ERBB4: variants seen among roughly 807,000 people sequenced by gnomAD.
ERBB4 encodes receptor tyrosine-protein kinase erbB-4.
ERBB4 carries 42 observed loss-of-function variants against 158.0 expected under a neutral mutation model. The ratio of observed to expected loss-of-function variants is 0.27; its 90% CI spans 0.21 to 0.34. The LOEUF (loss-of-function observed/expected upper bound fraction) is 0.34, where lower values mean the gene tolerates loss of function less well. ERBB4 is among the 10% of genes least tolerant of loss of function. The pLI is 1.00. For synonymous variants in ERBB4, 583 were observed against 558.7 expected (o/e 1.04, Z -0.61); for missense variants, 1,333 against 1,624.1 (o/e 0.82, Z 3.08).
chr2:211,618,921 T>A (rs1377572405), intron 19 of ERBB4, among the ~76,000 whole-genome samples: 1 of 152,096 alleles, frequency 6.6e-6, no homozygotes, highest in Non-Finnish European at 1.5e-5. Flanking sequence ...ATAATTCACC[T>A]TGGGGACTGT....
chr2:211,945,925 T>C (rs2080676250), intron 3 of ERBB4, among the ~76,000 whole-genome samples: 1 of 152,070 alleles, frequency 6.6e-6, no homozygotes, highest in African/African-American at 2.4e-5. Context: ...GAAATCATGA[T>C]GAAAACACAA....
At chr2:211,999,374 A>G (rs187514959) in intron 2 of ERBB4, among the ~76,000 whole-genome samples, 5 of 151,944 alleles carry the variant, frequency 3.3e-5, no homozygotes, top group African/African-American at 1.2e-4. Flanking sequence ...ATGATATAAA[A>G]CACAGTAGTG....
chr2:211,991,761 G>A (rs1474155795), intron 2 of ERBB4, among the ~76,000 whole-genome samples: 2 of 152,020 alleles, frequency 1.3e-5, no homozygotes, highest in Admixed American at 1.3e-4. Flanking sequence ...AAAGGAAGTT[G>A]GAAAAAGGAA....
chr2:211,670,639 C>T (rs1040203394), intron 14 of ERBB4, among the ~76,000 whole-genome samples: 2 of 152,202 alleles, frequency 1.3e-5, no homozygotes, highest in South Asian at 2.1e-4. Flanking sequence ...CTCAATACTA[C>T]AGAACAATTC....
chr2:212,494,017 T>A (rs1309025343), intron 1 of ERBB4, among the ~76,000 whole-genome samples: 1 of 151,876 alleles, frequency 6.6e-6, no homozygotes, highest in Non-Finnish European at 1.5e-5. Context: ...AAATTCTTAT[T>A]AAATTTTTAT....
chr2:211,937,022 TAA>T (rs2080342863), intron 3 of ERBB4, among the ~76,000 whole-genome samples: 1 of 152,206 alleles, frequency 6.6e-6, no homozygotes, highest in South Asian at 2.1e-4. Flanking sequence ...AGAAAAGTAA[TAA>T]GAGGTATATT....
At chr2:212,308,060 T>A (rs1239976175) in intron 1 of ERBB4, among the ~76,000 whole-genome samples, 1 of 151,042 alleles carries the variant, frequency 6.6e-6, no homozygotes, top group Non-Finnish European at 1.5e-5. Context: ...AAAAAATTCC[T>A]CCACAATTTT....
chr2:211,966,205 C>A (rs891671603), intron 2 of ERBB4, among the ~76,000 whole-genome samples: 1 of 152,008 alleles, frequency 6.6e-6, no homozygotes, highest in African/African-American at 2.4e-5. Flanking sequence ...CAGAGTGAGA[C>A]CCTGTCTTAA....
intron 3 of ERBB4, among the ~76,000 whole-genome samples, chr2:211,833,501 G>A (rs1430142113): frequency 6.6e-6 from 1 of 151,942 alleles, no homozygotes; most frequent in African/African-American, 2.4e-5. Flanking sequence ...CTGGCAAGGA[G>A]AATGGACTAC....
chr2:211,919,320 T>A (rs1258073883), intron 3 of ERBB4, among the ~76,000 whole-genome samples: 1 of 152,078 alleles, frequency 6.6e-6, no homozygotes, highest in Non-Finnish European at 1.5e-5. Context: ...CATGCAGACA[T>A]CTTTACATGT....
chr2:211,806,104 C>A (rs2076607373), intron 3 of ERBB4, among the ~76,000 whole-genome samples: 1 of 151,528 alleles, frequency 6.6e-6, no homozygotes, highest in Non-Finnish European at 1.5e-5. Flanking sequence ...AAATAATTTC[C>A]CATAATTATG....
intron 1 of ERBB4, among the ~76,000 whole-genome samples, chr2:212,349,287 T>TCTCACACA (rs373195887): frequency 1.0e-4 from 15 of 146,376 alleles, no homozygotes; most frequent in Non-Finnish European, 2.1e-4. Flanking sequence ...AACTTCTTAA[T>TCTCACACA]CACACACACA....
rs73986914 is a variant in ERBB4 at position 212,269,316 on chromosome 2, G to A, written c.83-144413C>T. On this transcript the variant is annotated intron_variant, in intron 1 of 27. Transcript: ENST00000342788. ...CCAGTGAGAAATCAGAAATATAGGA[G>A]AGTAGATCAATGAACATGCTTTGTG... 3.4e-3 allele frequency among the ~76,000 whole-genome samples: 520 copies of A among 151,940 alleles called. 1 individual carries two copies. The highest frequency in any genetic ancestry group is 0.012 in the African/African-American group (484 of 41,502).
chr2:212,502,964 T>C (rs976046593), intron 1 of ERBB4, among the ~76,000 whole-genome samples: 4 of 152,078 alleles, frequency 2.6e-5, no homozygotes, highest in African/African-American at 9.7e-5. Flanking sequence ...GGTTTTGGCA[T>C]GTTGCCCAAG....
intron 1 of ERBB4, among the ~76,000 whole-genome samples, chr2:212,191,716 TACATATAACAC>T (rs2082227769): frequency 1.4e-5 from 2 of 147,216 alleles, no homozygotes; most frequent in East Asian, 2.0e-4. Flanking sequence ...TTATACATGT[TACATATAACAC>T]GTGTTATACA....
At chr2:211,992,894 G>A (rs1053384991) in intron 2 of ERBB4, among the ~76,000 whole-genome samples, 3 of 152,146 alleles carry the variant, frequency 2.0e-5, no homozygotes, top group East Asian at 1.9e-4. Flanking sequence ...CAAAAAAGGC[G>A]AAATAATTTT....
At chr2:212,501,504 A>G (rs1361762393) in intron 1 of ERBB4, among the ~76,000 whole-genome samples, 1 of 152,228 alleles carries the variant, frequency 6.6e-6, no homozygotes, top group Admixed American at 6.5e-5. Flanking sequence ...AACAGCAGTG[A>G]AAGTGAGGAA....
chr2:211,631,532 T>C (rs2070132257), intron 16 of ERBB4, among the ~76,000 whole-genome samples: 3 of 152,182 alleles, frequency 2.0e-5, no homozygotes, highest in Admixed American at 2.0e-4. Context: ...TGATTGGAAA[T>C]CTTCATTCTT....
chr2:211,815,973 G>A (rs1041578545), intron 3 of ERBB4, among the ~76,000 whole-genome samples: 5 of 151,962 alleles, frequency 3.3e-5, no homozygotes, highest in South Asian at 2.1e-4. Context: ...AGGGATTCTC[G>A]GTCCTTTAGC....
Sources: gnomAD v4.1 joint callset for allele counts (sites outside exome capture counted in the v4.1 genomes callset) on GRCh38, gnomAD v4.1.1 for gene constraint, MANE v1.5 for transcripts, NCBI Gene and HGNC (gene_info 2026-07-23, HGNC 2026-07-21) for gene names.